The following ANO10 variants were observed in gnomAD, a reference collection of about 807,000 sequenced individuals.
ANO10 encodes anoctamin 10.
In ANO10, 77 loss-of-function variants were observed where a neutral mutation model predicts 74.7. The observed-to-expected ratio is 1.03, with a 90% CI of 0.86 to 1.25. The LOEUF is 1.25. Ranked by LOEUF, ANO10 falls within the 50% of genes most tolerant of loss-of-function variation. The pLI, the probability that ANO10 is intolerant of heterozygous loss-of-function variation, is 0.00. For missense variants in ANO10, 721 were observed against 778.1 expected, an observed-to-expected ratio of 0.93 and a Z score of 0.87; for synonymous variants, 279 against 284.9, an observed-to-expected ratio of 0.98 and a Z score of 0.21.
chr3:43,406,423 G>A (rs138610118), intron 12 of ANO10, among the ~76,000 whole-genome samples: 63 of 152,292 alleles, frequency 4.1e-4, no homozygotes, highest in African/African-American at 1.4e-3. Flanking sequence ...TTCAAGTGTT[G>A]TGAGCCAATA....
intron 4 of ANO10, among the ~76,000 whole-genome samples, chr3:43,582,432 G>GCGAGACTC (rs2081303885): frequency 6.6e-6 from 1 of 151,894 alleles, no homozygotes; most frequent in Non-Finnish European, 1.5e-5. Flanking sequence ...GGGTGACAGA[G>GCGAGACTC]CGAGACTCCG....
At chr3:43,507,295 G>A (rs1383936408) in intron 11 of ANO10, among the ~76,000 whole-genome samples, 2 of 152,044 alleles carry the variant, frequency 1.3e-5, no homozygotes, top group African/African-American at 4.8e-5. Flanking sequence ...GAGACAGGGT[G>A]GGTTGTATTC....
At chr3:43,560,837 C>A (rs978515335) in intron 9 of ANO10, among the ~76,000 whole-genome samples, 2 of 152,178 alleles carry the variant, frequency 1.3e-5, no homozygotes, top group African/African-American at 2.4e-5. Flanking sequence ...GAGTCTCTAT[C>A]TTTTGTTTGT....
chr3:43,461,865 G>C (rs2075392930), intron 11 of ANO10, among the ~76,000 whole-genome samples: 2 of 152,234 alleles, frequency 1.3e-5, no homozygotes, highest in African/African-American at 4.8e-5. Context: ...AAGCAATTTT[G>C]GAACTGGGTA....
At chr3:43,491,394 A>G (rs1192309279) in intron 11 of ANO10, among the ~76,000 whole-genome samples, 5 of 152,080 alleles carry the variant, frequency 3.3e-5, no homozygotes, top group African/African-American at 9.7e-5. Context: ...GGCACCTGTA[A>G]TCCCAGCTAC....
chr3:43,465,859 A>G (rs1431746086), intron 11 of ANO10, among the ~76,000 whole-genome samples: 1 of 152,210 alleles, frequency 6.6e-6, no homozygotes, highest in African/African-American at 2.4e-5. Flanking sequence ...ATAAATGGAA[A>G]GATATACAAA....
intron 11 of ANO10, among the ~76,000 whole-genome samples, chr3:43,506,022 A>G (rs1559625034): frequency 6.6e-6 from 1 of 152,264 alleles, no homozygotes; most frequent in Admixed American, 6.5e-5. Context: ...TGAATAAAAT[A>G]TGTTTAAGAT....
At chr3:43,681,582 T>C (rs1052355689) in intron 1 of ANO10, among the ~76,000 whole-genome samples, 1 of 152,172 alleles carries the variant, frequency 6.6e-6, no homozygotes, top group Non-Finnish European at 1.5e-5. Flanking sequence ...GCGAACCTAA[T>C]AGACATCTAC....
chr3:43,613,530 A>G (rs2082936243), intron 1 of ANO10, among the ~76,000 whole-genome samples: 1 of 152,220 alleles, frequency 6.6e-6, no homozygotes, highest in Admixed American at 6.5e-5. Context: ...CATCTGATCC[A>G]ATGGCCAGTA....
intron 4 of ANO10, among the ~76,000 whole-genome samples, chr3:43,584,848 G>A (rs1054545748): frequency 2.0e-5 from 3 of 152,224 alleles, no homozygotes; most frequent in East Asian, 3.9e-4. Flanking sequence ...CAAATTAAAC[G>A]TAAGATCTGG....
intron 1 of ANO10, among the ~76,000 whole-genome samples, chr3:43,662,028 C>T (rs560858756): frequency 3.0e-4 from 45 of 152,260 alleles, no homozygotes; most frequent in African/African-American, 9.6e-4. Flanking sequence ...ATATCCAGGA[C>T]TTCAACTCAG....
intron 1 of ANO10, among the ~76,000 whole-genome samples, chr3:43,614,098 G>A (rs2082966613): frequency 6.6e-6 from 1 of 152,124 alleles, no homozygotes; most frequent in African/African-American, 2.4e-5. Flanking sequence ...CTAGTTTAAG[G>A]GAACAATAAA....
chr3:43,629,811 G>A (rs781355869), intron 1 of ANO10, among the ~76,000 whole-genome samples: 9 of 152,184 alleles, frequency 5.9e-5, no homozygotes, highest in Non-Finnish European at 1.0e-4. Context: ...GGTTTGAGAT[G>A]CCTTTTGGAA....
intron 1 of ANO10, among the ~76,000 whole-genome samples, chr3:43,684,179 C>A (rs1160232811): frequency 6.6e-6 from 1 of 152,104 alleles, no homozygotes; most frequent in African/African-American, 2.4e-5. Context: ...GCAATCTACT[C>A]ATCTGACAAA....
At chr3:43,589,080 T>C (rs1485433851) in intron 4 of ANO10, among the ~76,000 whole-genome samples, 1 of 151,896 alleles carries the variant, frequency 6.6e-6, no homozygotes, top group Admixed American at 6.6e-5. Flanking sequence ...GATGCAAAAA[T>C]AATGAAATAT....
At chr3:43,678,964 G>A (rs939363860) in intron 1 of ANO10, among the ~76,000 whole-genome samples, 1 of 152,150 alleles carries the variant, frequency 6.6e-6, no homozygotes, top group Admixed American at 6.5e-5. Flanking sequence ...GGAGGGTGGA[G>A]CCAAGATGGC....
chr3:43,451,047 C>A (rs2074844082), intron 11 of ANO10, among the ~76,000 whole-genome samples: 1 of 152,176 alleles, frequency 6.6e-6, no homozygotes. Context: ...TATATCACAG[C>A]ACATATCTGA....
intron 11 of ANO10, 43 bp downstream of exon 11, chr3:43,549,677 G>C (rs746331653): frequency 2.5e-5 from 40 of 1,608,320 alleles, no homozygotes; most frequent in Non-Finnish European, 3.1e-5. Flanking sequence ...ATAGAGAAAC[G>C]TAATATGGAT....
At chr3:43,643,053 A>G (rs2149564430) in intron 1 of ANO10, among the ~76,000 whole-genome samples, 1 of 148,016 alleles carries the variant, frequency 6.8e-6, no homozygotes, top group Non-Finnish European at 1.5e-5. Context: ...TTTTTTTGAG[A>G]CGGAGTCTTG....
Sources: allele counts gnomAD v4.1 joint callset (sites outside exome capture counted in the v4.1 genomes callset), GRCh38; gene constraint gnomAD v4.1.1; transcripts MANE v1.5; gene names NCBI Gene and HGNC (gene_info 2026-07-23, HGNC 2026-07-21).